Variants in MORC2 observed in about 807,000 individuals in gnomAD.
The protein encoded by MORC2 is MORC family CW-type zinc finger 2, also known as ATPase MORC2.
In MORC2, 30 loss-of-function variants were observed where a neutral mutation model predicts 136.0. That is an observed-to-expected ratio of 0.22 (90% CI 0.17 to 0.30). The LOEUF is 0.30. Among genes scored for constraint, MORC2 ranks in the 10% least tolerant of loss-of-function variants. The pLI is 1.00. For missense variants in MORC2, 922 were observed against 1,333.1 expected (o/e 0.69, Z 4.80); for synonymous variants, 439 against 487.0 (o/e 0.90, Z 1.30).
chr22:30,946,329 G>T lies in MORC2; in HGVS notation c.426+12C>A. 1 of 1,596,600 alleles carries T rather than the reference G, an allele frequency of 6.3e-7. No individual in the cohort carries two copies. Among genetic ancestry groups the T allele is most frequent in the Non-Finnish European group, 8.6e-7 (1 of 1,168,816 alleles). Reference sequence around the variant, plus strand: ...GAGGACTGGTGATGCAGACCACGATGATGGGACCTACTTCATCAATGCCTT... The same window carrying T: ...GAGGACTGGTGATGCAGACCACGATTATGGGACCTACTTCATCAATGCCTT... On this transcript the variant is annotated intron_variant, in intron 6 of 25. Transcript: ENST00000397641.
intron 6 of MORC2, among the ~76,000 whole-genome samples, chr22:30,942,615 G>A (rs1245641203): frequency 6.6e-6 from 1 of 152,122 alleles, no homozygotes; most frequent in Non-Finnish European, 1.5e-5. Flanking sequence ...TAGTGAATCA[G>A]TAAATACACA....
chr22:30,946,110 G>A (rs916904026), intron 6 of MORC2, among the ~76,000 whole-genome samples: 3 of 152,164 alleles, frequency 2.0e-5, no homozygotes, highest in Admixed American at 2.0e-4. Flanking sequence ...CTCATTCTCG[G>A]AAACAGTTGT....
At chr22:30,952,479 C>G (rs1429248720) in intron 3 of MORC2, among the ~76,000 whole-genome samples, 1 of 152,222 alleles carries the variant, frequency 6.6e-6, no homozygotes, top group Admixed American at 6.5e-5. Flanking sequence ...GTATCCTTTT[C>G]TGGCTCAAGG....
chr22:30,949,944 A>G, intron 4 of MORC2, 102 bp from the exon 5 acceptor site: 1 of 1,037,084 alleles, frequency 9.6e-7, no homozygotes, highest in South Asian at 1.4e-5. Context: ...AGGGGTGTGT[A>G]TCTGCTGAAA....
In MORC2 at chr22:30,942,138, T is replaced by C; in HGVS notation, c.560A>G (p.Gln187Arg). 1 of 1,614,010 alleles carries C rather than the reference T, an allele frequency of 6.2e-7. No homozygotes were observed. The highest frequency in any genetic ancestry group is 8.5e-7 in the Non-Finnish European group (1 of 1,179,872). The change falls in exon 7 of 26, where the codon CAG (glutamine) becomes CGG (arginine). Residue 187 changes from glutamine to arginine, a missense_variant. Transcript: ENST00000397641. Reference protein sequence around the residue: ...PFRTEEEVMTQFMKIPGDSGT... With the variant: ...PFRTEEEVMTRFMKIPGDSGT... ...GCTGTCCCCAGGAATCTTCATAAAC[T>C]GGGTCATCACTTCCTCCTCAGTGCG...
At position 30,926,630 on chromosome 22, in the gene MORC2, T is replaced by C. The variant is rs1420056337; in HGVS notation, c.*173A>G. 1 of 278,974 alleles carries C rather than the reference T, an allele frequency of 3.6e-6. No homozygotes were observed. Among genetic ancestry groups the C allele is most frequent in the Non-Finnish European group, 6.4e-6 (1 of 155,618 alleles). 17.3% of individuals were successfully genotyped at this position (278,974 alleles called of 1,614,324 possible). A position where few individuals can be genotyped will look rare whatever the true frequency, so the allele number is the denominator to read the frequency against. ...AGCATCTTCTTTTAAAAAATAAATATTTATAAACTTAAGGAAGATTCAAAG... is the reference window on the plus strand; with the variant it reads ...AGCATCTTCTTTTAAAAAATAAATACTTATAAACTTAAGGAAGATTCAAAG... On this transcript the variant is annotated 3_prime_UTR_variant, in exon 26 of 26. Coordinates refer to ENST00000397641, the MANE Select transcript of MORC2 (RefSeq NM_001303256.3).
At chr22:30,936,825 A>T in intron 16 of MORC2, 107 bp downstream of exon 16, 1 of 1,301,000 alleles carries the variant, frequency 7.7e-7, no homozygotes, top group South Asian at 1.3e-5. Context: ...GGCAGTTATT[A>T]GGTGTGGCAA....
intron 1 of MORC2, chr22:30,967,431 T>C: frequency 1.0e-6 from 1 of 992,098 alleles, no homozygotes; most frequent in Non-Finnish European, 1.2e-6. Flanking sequence ...AAACACTTGT[T>C]ATAAACCTAA....
intron 1 of MORC2, among the ~76,000 whole-genome samples, chr22:30,961,441 A>G (rs1181250688): frequency 6.6e-6 from 1 of 152,210 alleles, no homozygotes; most frequent in Non-Finnish European, 1.5e-5. Flanking sequence ...CCTATCAAAC[A>G]TATAAGTGAC....
At position 30,928,065 on chromosome 22, in the gene MORC2, T is replaced by C; in HGVS notation, c.2984A>G (p.Gln995Arg). 6.2e-7 allele frequency: 1 copy of C among 1,613,928 alleles called. No homozygotes were observed. Among genetic ancestry groups the C allele is most frequent in the Non-Finnish European group, 8.5e-7 (1 of 1,180,024 alleles). ...RKLRETEEKL[Q>R]KLRTNIVALL... ...TGCCACGATGTTGGTCCTCAGCTTC[T>C]GCAGCTTCTCCTCCGTCTCGCGGAG... The change falls in exon 25 of 26, where the codon CAG becomes CGG. Residue 995 changes from glutamine (Q) to arginine (R), a missense_variant. Physicochemically the swap from Gln to Arg is conservative, Grantham distance 43. This residue lies in a region of MORC2 where 263 missense variants were observed against 388.3 expected (regional missense o/e 0.68). Transcript: ENST00000397641.
chr22:30,946,396 G>T lies in MORC2; in HGVS notation c.371C>A (p.Thr124Asn). Residue 124 changes from threonine to asparagine, a missense_variant, in exon 6 of 26, where the codon ACC (threonine) becomes AAC (asparagine). Physicochemically the swap from Thr to Asn is moderately conservative, Grantham distance 65. Around this residue, in one of 9 missense-constraint regions of MORC2, gnomAD observed 261 missense variants for 354.3 expected, o/e 0.74. Coordinates refer to ENST00000397641, the MANE Select transcript of MORC2 (RefSeq NM_001303256.3). The stretch of plus-strand genomic sequence containing the variant: ...GCGAGACAGGAAGAGGCAGGTCATG[G>T]TGTCTTCCTTCTTGGTGAACAGGAT... ...DFILFTKKED[T>N]MTCLFLSRTF... 1 of 1,611,530 alleles carries T rather than the reference G, an allele frequency of 6.2e-7. No homozygotes were observed. The highest frequency in any genetic ancestry group is 8.5e-7 in the Non-Finnish European group (1 of 1,178,778).
intron 3 of MORC2, among the ~76,000 whole-genome samples, chr22:30,955,811 C>T (rs1213377729): frequency 6.6e-6 from 1 of 151,952 alleles, no homozygotes; most frequent in Non-Finnish European, 1.5e-5. Context: ...GAGTTTGAGA[C>T]CAGCCTGGCC....
intron 24 of MORC2, among the ~76,000 whole-genome samples, chr22:30,930,435 G>A (rs761912779): frequency 2.6e-5 from 4 of 152,094 alleles, no homozygotes; most frequent in Non-Finnish European, 5.9e-5. Flanking sequence ...TAGCTCCCTC[G>A]CCGAGCACCA....
At position 30,940,855 on chromosome 22, in the gene MORC2, C is replaced by G; in HGVS notation, c.825-18G>C. On this transcript the variant is annotated intron_variant, in intron 9 of 25. Transcript: ENST00000397641. The stretch of plus-strand genomic sequence containing the variant: ...TGTACATCCTGATCAGTAGAAAAAG[C>G]AAGCTGATGGCCCACGCAGCAGTGG... 5.0e-6 allele frequency: 8 copies of G among 1,610,792 alleles called. No homozygotes were observed. The highest frequency in any genetic ancestry group is 6.8e-6 in the Non-Finnish European group (8 of 1,177,020).
In MORC2 at chr22:30,948,962, A is replaced by G. The variant is rs573577999; in HGVS notation, c.317+790T>C. 1.4e-3 allele frequency among the ~76,000 whole-genome samples: 210 copies of G among 152,274 alleles called. 1 individual carries two copies. The highest frequency in any genetic ancestry group is 4.7e-3 in the African/African-American group (197 of 41,534). ...ATACACCCAAAGCACAACTGCACACAAGGCCCAACTGATGCTGCTGACTGA... is the reference window on the plus strand; with the variant it reads ...ATACACCCAAAGCACAACTGCACACGAGGCCCAACTGATGCTGCTGACTGA... On this transcript the variant is annotated intron_variant, in intron 5 of 25. Transcript: ENST00000397641.
chr22:30,946,825 C>T (rs1416993244), intron 5 of MORC2, among the ~76,000 whole-genome samples: 2 of 152,158 alleles, frequency 1.3e-5, no homozygotes, highest in South Asian at 2.1e-4. Context: ...TCATCCCAGA[C>T]GCATGAGAGG....
chr22:30,931,114 G>A (rs1171080318), intron 24 of MORC2, among the ~76,000 whole-genome samples: 1 of 151,988 alleles, frequency 6.6e-6, no homozygotes, highest in Non-Finnish European at 1.5e-5. Context: ...CCTCACCTCT[G>A]ACCTTTTACA....
At chr22:30,927,828 T>C (rs1322165241) in intron 25 of MORC2, among the ~76,000 whole-genome samples, 191 bp downstream of exon 25, 1 of 152,238 alleles carries the variant, frequency 6.6e-6, no homozygotes, top group Non-Finnish European at 1.5e-5. Flanking sequence ...CCTGGTTCTA[T>C]GGGTCTGGCT....
chr22:30,968,186 G>A lies in MORC2; in HGVS notation c.-297C>T, dbSNP rs1374723224. ...CATTAAGTTGCGATAGCTCAATTCA[G>A]ACAATCTGAGTCTCGTGTGGATGGT... On this transcript the variant is annotated 5_prime_UTR_variant, in exon 1 of 26. Transcript: ENST00000397641. The A allele has an allele frequency of 6.3e-6, 2 of 319,236 alleles. No individual in the cohort carries two copies. Among genetic ancestry groups the A allele is most frequent in the East Asian group, 7.8e-5 (1 of 12,900 alleles). The allele number at this position is 319,236 out of a possible 1,614,324, so 19.8% of individuals were successfully genotyped here.
Sources: allele counts gnomAD v4.1 joint callset (sites outside exome capture counted in the v4.1 genomes callset), GRCh38; gene constraint gnomAD v4.1.1; regional missense constraint gnomAD v4.1.1; transcripts MANE v1.5; gene names NCBI Gene and HGNC (gene_info 2026-07-23, HGNC 2026-07-21).